Variants in PTAR1 observed in about 807,000 individuals in gnomAD.
PTAR1 encodes the protein protein prenyltransferase alpha subunit repeat containing 1.
Under a neutral mutation model 45.5 loss-of-function variants are expected in PTAR1, and 17 were observed. The ratio of observed to expected loss-of-function variants is 0.37; its 90% CI spans 0.26 to 0.56. The LOEUF (loss-of-function observed/expected upper bound fraction) is 0.56. PTAR1 is among the 20% of genes least tolerant of loss of function. PTAR1 has a pLI of 0.77. For synonymous variants in PTAR1, 169 were observed against 171.3 expected (o/e 0.99, Z 0.11); for missense variants, 391 against 476.3 (o/e 0.82, Z 1.67).
At chr9:69,749,315 G>A (rs1336192315) in intron 2 of PTAR1, among the ~76,000 whole-genome samples, 3 of 152,042 alleles carry the variant, frequency 2.0e-5, no homozygotes, top group African/African-American at 7.2e-5. Context: ...TTATACATTG[G>A]TTCGATTATG....
rs1045918833 is a variant in PTAR1 at position 69,741,768 on chromosome 9, A to G, written c.323+24T>C. 5.2e-6 allele frequency: 8 copies of G among 1,526,572 alleles called. No homozygotes were observed. The African/African-American group carries it at 9.6e-5, about 18-fold the overall frequency. The allele number at this position is 1,526,572 out of a possible 1,614,324, so 94.6% of individuals were successfully genotyped here. A position where few individuals can be genotyped will look rare whatever the true frequency, so the allele number is the denominator to read the frequency against. ...TTCAGAAATTTGGACAAACTTTATC[A>G]TATCACTAATGAAAATGACATACCT... On this transcript the variant is annotated intron_variant, in intron 3 of 7. Coordinates refer to ENST00000340434, the MANE Select transcript of PTAR1 (RefSeq NM_001099666.2).
chr9:69,756,543 TGA>T (rs1313992931), intron 1 of PTAR1, among the ~76,000 whole-genome samples: 1 of 152,214 alleles, frequency 6.6e-6, no homozygotes, highest in African/African-American at 2.4e-5. Flanking sequence ...AGAAATTAAA[TGA>T]GAGTCAAGGA....
rs1008568621 is a variant in PTAR1 at position 69,713,848 on chromosome 9, T to C, written c.*4494A>G. 2 of 152,140 alleles carry C rather than the reference T, an allele frequency of 1.3e-5. No homozygotes were observed. The highest frequency in any genetic ancestry group is 4.8e-5 in the African/African-American group (2 of 41,430). The allele number at this position is 152,140 out of a possible 1,614,324, so 9.4% of individuals were successfully genotyped here. Reference sequence around the variant, plus strand: ...ATAATCAAAGCATCCTGCCTGCTTATATCAGTCTCTCACTGAAGGATAAAA... The same window carrying C: ...ATAATCAAAGCATCCTGCCTGCTTACATCAGTCTCTCACTGAAGGATAAAA... On this transcript the variant is annotated 3_prime_UTR_variant, in exon 8 of 8. Transcript: ENST00000340434.
chr9:69,725,538 C>A (rs138330441), intron 5 of PTAR1, among the ~76,000 whole-genome samples: 9 of 151,162 alleles, frequency 6.0e-5, no homozygotes, highest in African/African-American at 2.2e-4. Context: ...TGCAGTGAGC[C>A]GAGATTGCTC....
At chr9:69,750,729 T>C (rs77927162) in intron 2 of PTAR1, 52 bp downstream of exon 2, 18,650 of 1,344,870 alleles carry the variant, frequency 0.014, 180 homozygotes, top group Non-Finnish European at 0.017. Flanking sequence ...CTTCCTACTA[T>C]ATTCCATGTC....
At chr9:69,731,623 A>G (rs1012502388) in intron 5 of PTAR1, among the ~76,000 whole-genome samples, 13 of 152,142 alleles carry the variant, frequency 8.5e-5, no homozygotes, top group Admixed American at 8.5e-4. Context: ...CTCTAGATCC[A>G]CCCTCATTCT....
chr9:69,709,623 C>G lies in PTAR1; in HGVS notation c.*8719G>C, dbSNP rs1386331678. ...TCTACAGAAATACAATACTTTATAG[C>G]TGGCTTGGTACATGGTCACATAAGA... On this transcript the variant is annotated 3_prime_UTR_variant, in exon 8 of 8. Transcript: ENST00000340434. 6.6e-6 allele frequency: 1 copy of G among 152,100 alleles called. No individual in the cohort carries two copies. The allele number at this position is 152,100 out of a possible 1,614,324, so 9.4% of individuals were successfully genotyped here.
In PTAR1 at chr9:69,717,226, C is replaced by G. The variant is rs1824762859; in HGVS notation, c.*1116G>C. ...TAATTTTATAGTTTCCATAGTGTAT[C>G]CTCAATAATTTAGATTTTTAAAAAG... On this transcript the variant is annotated 3_prime_UTR_variant, in exon 8 of 8. Coordinates refer to ENST00000340434, the MANE Select transcript of PTAR1 (RefSeq NM_001099666.2). The G allele has an allele frequency of 6.6e-6, 1 of 152,086 alleles. No homozygotes were observed. Among genetic ancestry groups the G allele is most frequent in the Non-Finnish European group, 1.5e-5 (1 of 68,022 alleles). 9.4% of individuals were successfully genotyped at this position (152,086 alleles called of 1,614,324 possible). A position where few individuals can be genotyped will look rare whatever the true frequency, so the allele number is the denominator to read the frequency against.
chr9:69,718,367 T>A lies in PTAR1; in HGVS notation c.1184A>T (p.Lys395Ile), dbSNP rs1040919144. The A allele has an allele frequency of 1.2e-6, 2 of 1,609,048 alleles. No individual in the cohort carries two copies. The highest frequency in any genetic ancestry group is 1.7e-6 in the Non-Finnish European group (2 of 1,176,682). The change falls in exon 8 of 8, where the codon AAA (lysine) becomes ATA (isoleucine). Residue 395 changes from lysine (K) to isoleucine (I), a missense_variant. Lys to Ile is a moderately radical substitution (Grantham distance 102). Around this residue, in one of 5 missense-constraint regions of PTAR1, gnomAD observed 181 missense variants for 227.7 expected, o/e 0.80. Transcript: ENST00000340434. Reference protein sequence around the residue: ...EQARFASAYRKWLVTLSQ With the variant: ...EQARFASAYRIWLVTLSQ ...TCATTGACTCAAAGTAACCAGCCAT[T>A]TCCTGTATGCACTGGCAAACCTGGC...
At chr9:69,729,870 G>A (rs983011466) in intron 5 of PTAR1, among the ~76,000 whole-genome samples, 2 of 152,130 alleles carry the variant, frequency 1.3e-5, no homozygotes, top group Non-Finnish European at 2.9e-5. Context: ...TGTGATAAGT[G>A]CTGCCATGTT....
At chr9:69,728,728 T>C (rs1376152859) in intron 5 of PTAR1, among the ~76,000 whole-genome samples, 1 of 152,152 alleles carries the variant, frequency 6.6e-6, no homozygotes, top group Non-Finnish European at 1.5e-5. Context: ...CCCTCAAATA[T>C]AAAAATATTT....
chr9:69,727,480 T>G (rs117877954), intron 5 of PTAR1, among the ~76,000 whole-genome samples: 3,060 of 147,994 alleles, frequency 0.021, 34 homozygotes, highest in Non-Finnish European at 0.029. Context: ...AGGTTTTTAT[T>G]CCATTTAAAG....
rs1824481929 is a variant in PTAR1, at chr9:69,710,423, G to A, written c.*7919C>T. ...CTAGAAAATTAAAAATTATGTTGTG[G>A]TTCACATTATATTTCTGTTGAACAA... On this transcript the variant is annotated 3_prime_UTR_variant, in exon 8 of 8. Transcript: ENST00000340434. The A allele has an allele frequency of 6.6e-6, 1 of 151,768 alleles. No homozygotes were observed. The highest frequency in any genetic ancestry group is 6.6e-5 in the Admixed American group (1 of 15,210). 9.4% of individuals were successfully genotyped at this position (151,768 alleles called of 1,614,324 possible).
rs112426175 is a variant in PTAR1, at chr9:69,726,327, C to A, written c.643-2697G>T. On this transcript the variant is annotated intron_variant, in intron 5 of 7. Coordinates refer to ENST00000340434, the MANE Select transcript of PTAR1 (RefSeq NM_001099666.2). ...TTTTATTCTACTTCAATTATAAATA[C>A]ATTCCTATGGCATTAAATATTATTC... Among the ~76,000 whole-genome samples the A allele has an allele frequency of 9.0e-3, 1,369 of 152,140 alleles. 18 individuals carry two copies. The highest frequency in any genetic ancestry group is 0.03 in the African/African-American group (1,242 of 41,538).
chr9:69,743,324 A>T (rs1300888913), intron 2 of PTAR1, among the ~76,000 whole-genome samples: 4 of 152,170 alleles, frequency 2.6e-5, no homozygotes, highest in Non-Finnish European at 1.5e-5. Context: ...ATGTCTGCCT[A>T]CAATAATTGG....
chr9:69,726,295 G>A (rs1305493653), intron 5 of PTAR1, among the ~76,000 whole-genome samples: 2 of 151,916 alleles, frequency 1.3e-5, no homozygotes, highest in African/African-American at 4.8e-5. Flanking sequence ...ATATTCTTTT[G>A]TACCAATTTT....
At chr9:69,749,566 TA>T (rs1826434355) in intron 2 of PTAR1, among the ~76,000 whole-genome samples, 1 of 152,090 alleles carries the variant, frequency 6.6e-6, no homozygotes. Flanking sequence ...CACAGCCTTC[TA>T]ATAAGAAAAT....
chr9:69,754,537 T>C (rs1826678212), intron 1 of PTAR1, among the ~76,000 whole-genome samples: 1 of 136,538 alleles, frequency 7.3e-6, no homozygotes, highest in Non-Finnish European at 1.6e-5. Flanking sequence ...TATATCTTTT[T>C]TTTTTTTTTT....
At chr9:69,758,726 G>A (rs775989254) in intron 1 of PTAR1, 1 of 391,514 alleles carries the variant, frequency 2.6e-6, no homozygotes, top group South Asian at 1.9e-5. Flanking sequence ...AGAACACTTT[G>A]GTAAGATACA....
Sources: allele counts gnomAD v4.1 joint callset (sites outside exome capture counted in the v4.1 genomes callset), GRCh38; gene constraint gnomAD v4.1.1; regional missense constraint gnomAD v4.1.1; transcripts MANE v1.5; gene names NCBI Gene and HGNC (gene_info 2026-07-23, HGNC 2026-07-21).